COL22A1: variants seen among roughly 807,000 people sequenced by gnomAD.
The protein encoded by COL22A1 is collagen alpha-1(XXII) chain.
A neutral mutation model predicts 248.9 loss-of-function variants in COL22A1; 221 were observed. The ratio of observed to expected loss-of-function variants is 0.89; its 90% CI spans 0.80 to 0.99. The LOEUF is 0.99. COL22A1 is among the 50% of genes least tolerant of loss of function. COL22A1 has a pLI of 0.00. For missense variants in COL22A1, 2,240 were observed against 2,179.0 expected (o/e 1.03, Z -0.56); for synonymous variants, 891 against 793.4 (o/e 1.12, Z -2.07).
chr8:138,755,784 C>A lies in COL22A1; in HGVS notation c.1947+1G>T, dbSNP rs765811436. ...CATGATTCCAACCACTGCTGACTCA[C>A]CACTGAGCCTGGTACACCAGGTGGC... On this transcript the variant is annotated splice_donor_variant, in intron 19 of 64. Coordinates refer to ENST00000303045, the MANE Select transcript of COL22A1 (RefSeq NM_152888.3). LOFTEE classifies it high-confidence loss of function. 4 of 1,614,114 alleles carry A rather than the reference C, an allele frequency of 2.5e-6. No homozygotes were observed. The Admixed American group carries it at 6.7e-5, about 27-fold the overall frequency.
At chr8:138,807,314 A>G (rs535197315) in intron 10 of COL22A1, among the ~76,000 whole-genome samples, 1 of 152,232 alleles carries the variant, frequency 6.6e-6, no homozygotes, top group South Asian at 2.1e-4. Context: ...GAGGAATGAG[A>G]CCACTCTGTG....
chr8:138,706,452 G>A (rs1828458738), intron 30 of COL22A1, among the ~76,000 whole-genome samples: 1 of 152,186 alleles, frequency 6.6e-6, no homozygotes, highest in Non-Finnish European at 1.5e-5. Flanking sequence ...AGACCACAGT[G>A]CAATCAAACT....
chr8:138,601,527 G>C (rs910915118), intron 60 of COL22A1, among the ~76,000 whole-genome samples: 5 of 152,154 alleles, frequency 3.3e-5, no homozygotes, highest in African/African-American at 1.2e-4. Context: ...CAAACGAGAC[G>C]CATAAAGCCT....
In COL22A1 at chr8:138,721,945, G is replaced by T; in HGVS notation, c.2301+91C>A. On this transcript the variant is annotated intron_variant, in intron 26 of 64. Coordinates refer to ENST00000303045, the MANE Select transcript of COL22A1 (RefSeq NM_152888.3). Reference sequence around the variant, plus strand: ...ATCCTGATCGAAGACCCAGGCAATTGACTTGTTGTAGAATTCACCAACAAT... The same window carrying T: ...ATCCTGATCGAAGACCCAGGCAATTTACTTGTTGTAGAATTCACCAACAAT... The T allele has an allele frequency of 2.9e-6, 3 of 1,020,170 alleles. No homozygotes were observed. In the South Asian group the frequency reaches 4.1e-5, roughly 14 times the overall value. 63.2% of individuals were successfully genotyped at this position (1,020,170 alleles called of 1,614,324 possible).
intron 22 of COL22A1, among the ~76,000 whole-genome samples, chr8:138,739,958 T>G (rs1831424082): frequency 6.6e-6 from 1 of 152,184 alleles, no homozygotes; most frequent in African/African-American, 2.4e-5. Context: ...ACAGATACCT[T>G]CAGAAGACAG....
chr8:138,618,735 T>C (rs1156637035), intron 53 of COL22A1, among the ~76,000 whole-genome samples: 1 of 152,234 alleles, frequency 6.6e-6, no homozygotes, highest in Non-Finnish European at 1.5e-5. Flanking sequence ...AGGATAATCA[T>C]TTAAAATCAT....
At chr8:138,685,381 G>T in intron 37 of COL22A1, 69 bp from the exon 38 acceptor site, 1 of 1,293,100 alleles carries the variant, frequency 7.7e-7, no homozygotes, top group Non-Finnish European at 1.1e-6. Context: ...TGGGGGAGCA[G>T]CTTGAGTAGG....
intron 16 of COL22A1, among the ~76,000 whole-genome samples, chr8:138,770,239 A>G (rs4736037): frequency 0.5 from 75,237 of 151,976 alleles, 19,645 homozygotes; most frequent in African/African-American, 0.66. Context: ...GTTGTCTGGG[A>G]GACATGGTTT....
chr8:138,857,558 T>C (rs1345168403), intron 3 of COL22A1, among the ~76,000 whole-genome samples: 2 of 152,106 alleles, frequency 1.3e-5, no homozygotes, highest in Non-Finnish European at 2.9e-5. Flanking sequence ...CTGCCCACCA[T>C]GTCCAGGCCC....
At position 138,716,833 on chromosome 8, in the gene COL22A1, C is replaced by G. The variant is rs780980990; in HGVS notation, c.2392G>C (p.Gly798Arg). 1 of 1,610,410 alleles carries G rather than the reference C, an allele frequency of 6.2e-7. No homozygotes were observed. The highest frequency in any genetic ancestry group is 8.5e-7 in the Non-Finnish European group (1 of 1,176,656). Residue 798 changes from glycine to arginine, a missense_variant, in exon 28 of 65, where the codon GGA (glycine) becomes CGA (arginine). Coordinates refer to ENST00000303045, the MANE Select transcript of COL22A1 (RefSeq NM_152888.3). ...AGCACAAACAAACAGACCTTCTCTC[C>G]AGGTCGGCCTGCCAGGCCCTGCTCC... ...IGEQGLAGRP[G>R]EKGEAGLPGA...
intron 22 of COL22A1, 35 bp downstream of exon 22, chr8:138,751,423 G>A: frequency 1.3e-6 from 2 of 1,528,472 alleles, no homozygotes; most frequent in Non-Finnish European, 1.8e-6. Flanking sequence ...GTGTGGGTGA[G>A]CTGAGGAATC....
At chr8:138,689,075 G>A (rs539169048) in intron 36 of COL22A1, 105 bp from the exon 37 acceptor site, 82 of 870,032 alleles carry the variant, frequency 9.4e-5, no homozygotes, top group South Asian at 3.1e-4. Context: ...TGAAGTCAAC[G>A]ACTACAGCTC....
chr8:138,888,032 G>C (rs1824793482), intron 1 of COL22A1, among the ~76,000 whole-genome samples: 1 of 152,168 alleles, frequency 6.6e-6, no homozygotes, highest in Non-Finnish European at 1.5e-5. Context: ...TTTTCATGTG[G>C]CTGTACATTT....
intron 3 of COL22A1, among the ~76,000 whole-genome samples, chr8:138,853,470 T>G (rs1821786059): frequency 6.6e-6 from 1 of 152,192 alleles, no homozygotes; most frequent in Non-Finnish European, 1.5e-5. Flanking sequence ...GTCTCTCTCT[T>G]TTTAAAAACT....
intron 56 of COL22A1, among the ~76,000 whole-genome samples, chr8:138,610,277 G>A (rs539384642): frequency 7.2e-5 from 11 of 152,342 alleles, no homozygotes; most frequent in African/African-American, 2.6e-4. Context: ...ACTAGTGGCT[G>A]TGAGGTGGTT....
chr8:138,710,733 A>G (rs1198530686), intron 30 of COL22A1, among the ~76,000 whole-genome samples: 4 of 152,086 alleles, frequency 2.6e-5, no homozygotes, highest in Non-Finnish European at 4.4e-5. Flanking sequence ...CATGCCCTTT[A>G]CAATTGTGTG....
intron 1 of COL22A1, among the ~76,000 whole-genome samples, chr8:138,907,077 C>T (rs538832356): frequency 7.0e-4 from 107 of 152,300 alleles, no homozygotes; most frequent in Non-Finnish European, 1.2e-3. Context: ...CAGGGAGGGG[C>T]CAGGAATGGA....
In COL22A1 at chr8:138,656,043, T is replaced by C. The variant is rs565593040; in HGVS notation, c.3286-99A>G. Reference sequence around the variant, plus strand: ...AAAAGGACTTTAAAGTGTGACACAATACGTGACACACTGCGCCGTGCGTGG... The same window carrying C: ...AAAAGGACTTTAAAGTGTGACACAACACGTGACACACTGCGCCGTGCGTGG... On this transcript the variant is annotated intron_variant, in intron 44 of 64. Transcript: ENST00000303045. The C allele has an allele frequency of 3.1e-6, 3 of 953,064 alleles. No homozygotes were observed. In the South Asian group the frequency reaches 4.0e-5, roughly 13 times the overall value. 59.0% of individuals were successfully genotyped at this position (953,064 alleles called of 1,614,324 possible).
intron 25 of COL22A1, among the ~76,000 whole-genome samples, 164 bp downstream of exon 25, chr8:138,724,451 C>G (rs1586576470): frequency 6.6e-6 from 1 of 152,262 alleles, no homozygotes; most frequent in East Asian, 1.9e-4. Context: ...AGTGAGCCAC[C>G]ACAGAAAGAA....
Sources: gnomAD v4.1 joint callset for allele counts (sites outside exome capture counted in the v4.1 genomes callset) on GRCh38, gnomAD v4.1.1 for gene constraint, MANE v1.5 for transcripts, NCBI Gene and HGNC (gene_info 2026-07-23, HGNC 2026-07-21) for gene names.